ANGPT4: variants seen among roughly 807,000 people sequenced by gnomAD.
ANGPT4 encodes the protein angiopoietin 4.
In ANGPT4, 50 loss-of-function variants were observed where a neutral mutation model predicts 53.0. The observed-to-expected ratio is 0.94, with a 90% CI of 0.75 to 1.20. The LOEUF is 1.20. ANGPT4 is among the 50% of genes most tolerant of loss of function. ANGPT4 has a pLI of 0.00. For missense variants in ANGPT4, 648 were observed against 637.1 expected, an observed-to-expected ratio of 1.02 and a Z score of -0.18; for synonymous variants, 251 against 259.7, an observed-to-expected ratio of 0.97 and a Z score of 0.32.
chr20:877,122 T>C (rs1208278280), intron 7 of ANGPT4, among the ~76,000 whole-genome samples: 2 of 152,232 alleles, frequency 1.3e-5, no homozygotes, highest in African/African-American at 4.8e-5. Flanking sequence ...AGTGGGGGCA[T>C]ATCACTGAGA....
At chr20:887,776 A>C (rs960707925) in intron 3 of ANGPT4, among the ~76,000 whole-genome samples, 1 of 152,056 alleles carries the variant, frequency 6.6e-6, no homozygotes, top group African/African-American at 2.4e-5. Flanking sequence ...ATAGCACCAG[A>C]TTTATTTATT....
chr20:873,144 G>T (rs756966161), intron 8 of ANGPT4, 24 bp from the exon 9 acceptor site: 3 of 1,611,186 alleles, frequency 1.9e-6, no homozygotes, highest in Non-Finnish European at 2.5e-6. Context: ...GAGGACAGGC[G>T]CTTGGTGGAG....
chr20:896,039 T>C (rs977119801), intron 1 of ANGPT4, among the ~76,000 whole-genome samples: 16 of 152,228 alleles, frequency 1.1e-4, no homozygotes, highest in African/African-American at 3.6e-4. Flanking sequence ...TAGATTTTGC[T>C]GTACGTGGGT....
intron 7 of ANGPT4, 137 bp downstream of exon 7, chr20:878,024 G>C (rs1981232196): frequency 1.0e-6 from 1 of 981,152 alleles, no homozygotes; most frequent in Non-Finnish European, 1.4e-6. Context: ...GCACCCAAAT[G>C]GGGGACAGAT....
intron 1 of ANGPT4, among the ~76,000 whole-genome samples, chr20:899,823 C>T (rs190279588): frequency 2.4e-4 from 36 of 152,346 alleles, no homozygotes; most frequent in Non-Finnish European, 4.4e-4. Context: ...AGCCTCTCTT[C>T]GGTTTCACTT....
intron 1 of ANGPT4, among the ~76,000 whole-genome samples, chr20:913,387 C>T (rs138096039): frequency 5.9e-5 from 9 of 152,176 alleles, no homozygotes; most frequent in South Asian, 2.1e-4. Flanking sequence ...CAAGGGAGAC[C>T]GAAACCTGCT....
In ANGPT4 at chr20:916,276, T is replaced by C; in HGVS notation, c.-62A>G. ...AGCCCTAGGGGCTGTGCCTGGGATG[T>C]CCTGCTGCAGCCAACAGTGGCCAGG... On this transcript the variant is annotated 5_prime_UTR_variant, in exon 1 of 9. Coordinates refer to ENST00000381922, the MANE Select transcript of ANGPT4 (RefSeq NM_015985.4). 1 of 1,541,092 alleles carries C rather than the reference T, an allele frequency of 6.5e-7. No homozygotes were observed. The highest frequency in any genetic ancestry group is 8.8e-7 in the Non-Finnish European group (1 of 1,135,296).
At position 888,324 on chromosome 20, in the gene ANGPT4, T is replaced by C. The variant is rs1981694239; in HGVS notation, c.581A>G (p.Gln194Arg). ...QRQKLQQLQG[Q>R]NSALEKRLQA... ...TGCCAGGTGCCACACCCACCTGTTT[T>C]GGCCCTGAAGCTGCTGGAGCTTCTG... Residue 194 changes from glutamine (Q) to arginine (R), a missense_variant, in exon 3 of 9, where the codon CAA becomes CGA. Physicochemically the swap from Gln to Arg is conservative, Grantham distance 43. Coordinates refer to ENST00000381922, the MANE Select transcript of ANGPT4 (RefSeq NM_015985.4). The C allele has an allele frequency of 1.2e-6, 2 of 1,613,088 alleles. No homozygotes were observed. Among genetic ancestry groups the C allele is most frequent in the Non-Finnish European group, 1.7e-6 (2 of 1,179,712 alleles).
intron 1 of ANGPT4, among the ~76,000 whole-genome samples, chr20:899,329 G>A (rs1304715404): frequency 6.6e-6 from 1 of 151,662 alleles, no homozygotes; most frequent in African/African-American, 2.4e-5. Context: ...CTCACTGCAA[G>A]CTCCATCTCC....
chr20:886,209 ATT>A (rs1394120129), intron 3 of ANGPT4, among the ~76,000 whole-genome samples: 1 of 152,206 alleles, frequency 6.6e-6, no homozygotes, highest in African/African-American at 2.4e-5. Context: ...TATCCTCCAG[ATT>A]TACTCACATG....
Position 890,346 on chromosome 20 carries a change from A to G in ANGPT4, c.332T>C (p.Ile111Thr), listed in dbSNP as rs200858753. 397 of 1,611,086 alleles carry G rather than the reference A, an allele frequency of 2.5e-4. 2 individuals carry two copies. The highest frequency in any genetic ancestry group is 4.8e-5 in the Non-Finnish European group (57 of 1,179,368). The change falls in exon 2 of 9, where the codon ATC becomes ACC. Residue 111 changes from isoleucine (I) to threonine (T), a missense_variant. Ile to Thr is a moderately conservative substitution (Grantham distance 89). Transcript: ENST00000381922. ...GACCTGCTCCAGCTTCGACCTCAAG[A>G]TCGTCTTGATGGCCCTCTCTAGCTG... ...LKKLERAIKT[I>T]LRSKLEQVQQ...
At chr20:884,775 A>G (rs1981543472) in intron 4 of ANGPT4, among the ~76,000 whole-genome samples, 1 of 152,148 alleles carries the variant, frequency 6.6e-6, no homozygotes, top group Non-Finnish European at 1.5e-5. Context: ...CTGGAGACCA[A>G]ACTTGTCAGT....
At chr20:892,571 G>A (rs1325006637) in intron 1 of ANGPT4, among the ~76,000 whole-genome samples, 7 of 150,422 alleles carry the variant, frequency 4.7e-5, no homozygotes, top group African/African-American at 1.7e-4. Flanking sequence ...CTCCAGCCTG[G>A]GTAACAGAGT....
chr20:880,062 C>T (rs974371241), intron 5 of ANGPT4, among the ~76,000 whole-genome samples: 2 of 152,318 alleles, frequency 1.3e-5, no homozygotes, highest in African/African-American at 2.4e-5. Flanking sequence ...CAGAGCCTTC[C>T]TCTCATTTGT....
rs547329446 is a variant in ANGPT4, at chr20:882,380, T to A, written c.836-1094A>T. Among the ~76,000 whole-genome samples, 4 of 152,290 alleles carry A rather than the reference T, an allele frequency of 2.6e-5. No homozygotes were observed. In the South Asian group the frequency reaches 8.3e-4, roughly 32 times the overall value. On this transcript the variant is annotated intron_variant, in intron 4 of 8. Coordinates refer to ENST00000381922, the MANE Select transcript of ANGPT4 (RefSeq NM_015985.4). ...CCCAGGATGGGGCTAAAATTCCAGA[T>A]GGATAGGTTGTCAACACCAGTGAGG...
Position 871,363 on chromosome 20 carries a change from G to A in ANGPT4, c.*1597C>T, listed in dbSNP as rs929388631. 6.6e-6 allele frequency: 1 copy of A among 152,380 alleles called. No homozygotes were observed. Among genetic ancestry groups the A allele is most frequent in the Non-Finnish European group, 1.5e-5 (1 of 68,162 alleles). 9.4% of individuals were successfully genotyped at this position (152,380 alleles called of 1,614,324 possible). ...CCCATTGGCTCAGTCTCATCCAGGA[G>A]AAAACCTTCTGAGGACAGAGGTGTA... On this transcript the variant is annotated 3_prime_UTR_variant, in exon 9 of 9. Transcript: ENST00000381922.
rs1174382341 is a variant in ANGPT4, at chr20:911,548, G to C, written c.309+4358C>G. On this transcript the variant is annotated intron_variant, in intron 1 of 8. Coordinates refer to ENST00000381922, the MANE Select transcript of ANGPT4 (RefSeq NM_015985.4). This position sits in a 1 kb window ranked among gnomAD's most constrained non-coding sequence, Gnocchi z 4.9. ...AAAGATGCAGGGAGTCACTTTGATAGCCAACCAGGAGAGAGAATCAGAGAC... is the reference window on the plus strand; with the variant it reads ...AAAGATGCAGGGAGTCACTTTGATACCCAACCAGGAGAGAGAATCAGAGAC... 6.6e-6 allele frequency among the ~76,000 whole-genome samples: 1 copy of C among 152,164 alleles called. No individual in the cohort carries two copies. Among genetic ancestry groups the C allele is most frequent in the Non-Finnish European group, 1.5e-5 (1 of 68,024 alleles).
intron 3 of ANGPT4, among the ~76,000 whole-genome samples, chr20:886,464 T>C (rs1421552680): frequency 1.3e-5 from 2 of 152,208 alleles, no homozygotes; most frequent in Non-Finnish European, 2.9e-5. Context: ...TAGGCTACAT[T>C]TGGGCTTAAA....
chr20:908,467 GCCTCCCTC>G lies in ANGPT4; in HGVS notation c.309+7431_309+7438del, dbSNP rs1568858664. Among the ~76,000 whole-genome samples, 2 of 152,058 alleles carry G rather than the reference GCCTCCCTC, an allele frequency of 1.3e-5. No homozygotes were observed. Among genetic ancestry groups the G allele is most frequent in the African/African-American group, 4.8e-5 (2 of 41,396 alleles). ...TCTCAGCTCTGTCCTTCTTCCTAGT[GCCTCCCTC>G]CCTCAAGGTCAGGCACCCATTATCC... On this transcript the variant is annotated intron_variant, in intron 1 of 8. Transcript: ENST00000381922. The surrounding 1 kb of genome is among the most constrained non-coding windows in gnomAD (Gnocchi z 4.9).
Sources: gnomAD v4.1 joint callset for allele counts (sites outside exome capture counted in the v4.1 genomes callset) on GRCh38, gnomAD v4.1.1 for gene constraint, Gnocchi (gnomAD v3.1) non-coding constraint, MANE v1.5 for transcripts, NCBI Gene and HGNC (gene_info 2026-07-23, HGNC 2026-07-21) for gene names.